The following MEF2B variants were observed in gnomAD, a reference collection of about 807,000 sequenced individuals.
The protein encoded by MEF2B is myocyte enhancer factor 2B.
In MEF2B, 15 loss-of-function variants were observed where a neutral mutation model predicts 32.2. That is an observed-to-expected ratio of 0.47 (90% CI 0.31 to 0.72). MEF2B has a LOEUF of 0.72. Ranked by LOEUF, MEF2B falls within the 30% of genes least tolerant of loss-of-function variation. MEF2B has a pLI of 0.05. For missense variants in MEF2B, 441 were observed against 511.5 expected (o/e 0.86, Z 1.33); for synonymous variants, 205 against 225.6 (o/e 0.91, Z 0.82).
At chr19:19,152,303 G>A (rs1336523701) in intron 1 of MEF2B, among the ~76,000 whole-genome samples, 1 of 148,434 alleles carries the variant, frequency 6.7e-6, no homozygotes, top group Non-Finnish European at 1.5e-5. Flanking sequence ...GCGCACACCT[G>A]TAGTCCCAGC....
intron 1 of MEF2B, among the ~76,000 whole-genome samples, chr19:19,167,026 A>G (rs1426868167): frequency 6.6e-6 from 1 of 152,114 alleles, no homozygotes; most frequent in African/African-American, 2.4e-5. Context: ...CAACATGACA[A>G]GACCCCATAT....
intron 1 of MEF2B, among the ~76,000 whole-genome samples, chr19:19,163,954 C>A (rs778621986): frequency 1.9e-4 from 29 of 152,084 alleles, no homozygotes; most frequent in Non-Finnish European, 8.8e-5. Flanking sequence ...TAGAGGTGAG[C>A]CACCACACCC....
Position 19,147,820 on chromosome 19 carries a change from T to G in MEF2B, c.271A>C (p.Arg91=), listed in dbSNP as rs997118478. ...NTDILETLKR[R]GIGLDGPELE... ...TCTGGCCCATCGAGGCCAATGCCCC[T>G]CCGCTTCAGCGTCTATGGGGACAGG... The change falls in exon 4 of 9, where the codon AGG becomes CGG. Residue 91 remains arginine, a synonymous_variant. Transcript: ENST00000424583. 3.1e-6 allele frequency: 5 copies of G among 1,613,236 alleles called. No homozygotes were observed. The highest frequency in any genetic ancestry group is 4.2e-6 in the Non-Finnish European group (5 of 1,179,894).
rs757194042 is a variant in MEF2B, at chr19:19,149,406, G to C, written c.78C>G (p.Phe26Leu). The C allele has an allele frequency of 6.2e-7, 1 of 1,613,872 alleles. No homozygotes were observed. Among genetic ancestry groups the C allele is most frequent in the Non-Finnish European group, 8.5e-7 (1 of 1,180,024 alleles). ...GCTCATAGGCCTTCTTCATCAGCCC[G>C]AACTTCCGCTTGGTGAACGTCACCT... Reference protein sequence around the residue: ...NRQVTFTKRKFGLMKKAYELS... With the variant: ...NRQVTFTKRKLGLMKKAYELS... The change falls in exon 3 of 9, where the codon TTC becomes TTG. Residue 26 changes from phenylalanine (F) to leucine (L), a missense_variant. Around this residue, in one of 2 missense-constraint regions of MEF2B, gnomAD observed 115 missense variants for 183.1 expected, o/e 0.63. Transcript: ENST00000424583.
intron 1 of MEF2B, among the ~76,000 whole-genome samples, chr19:19,167,719 C>T (rs926614756): frequency 2.6e-5 from 4 of 152,114 alleles, no homozygotes; most frequent in Non-Finnish European, 5.9e-5. Flanking sequence ...GATGGGAAAG[C>T]CAAGAGTGGG....
chr19:19,164,743 G>A (rs1280230929), intron 1 of MEF2B, among the ~76,000 whole-genome samples: 1 of 152,156 alleles, frequency 6.6e-6, no homozygotes, highest in East Asian at 1.9e-4. Flanking sequence ...GAACCCAGGA[G>A]TCAGAGGTCA....
intron 3 of MEF2B, 34 bp downstream of exon 3, chr19:19,149,192 G>A: frequency 6.2e-7 from 1 of 1,610,800 alleles, no homozygotes; most frequent in South Asian, 1.1e-5. Flanking sequence ...CGTGCACGGG[G>A]CCTTGTGGGG....
intron 3 of MEF2B, among the ~76,000 whole-genome samples, chr19:19,148,054 A>G (rs768289776): frequency 6.6e-6 from 1 of 152,286 alleles, no homozygotes; most frequent in Non-Finnish European, 1.5e-5. Flanking sequence ...GCCCAGATCA[A>G]CACAGCAGGA....
intron 1 of MEF2B, among the ~76,000 whole-genome samples, chr19:19,153,055 G>T (rs1406919719): frequency 6.6e-6 from 1 of 152,224 alleles, no homozygotes; most frequent in Admixed American, 6.5e-5. Context: ...TCCCTGGGGG[G>T]TGGACGGGGG....
At chr19:19,167,802 G>T (rs903760806) in intron 1 of MEF2B, among the ~76,000 whole-genome samples, 1 of 152,202 alleles carries the variant, frequency 6.6e-6, no homozygotes, top group South Asian at 2.1e-4. Context: ...GGGTCACACA[G>T]AGAGGAGGGA....
In MEF2B at chr19:19,147,114, T is replaced by G. The variant is rs1568545395; in HGVS notation, c.463A>C (p.Ser155Arg). The change falls in exon 5 of 9, where the codon AGT becomes CGT. Residue 155 changes from serine to arginine, a missense_variant. This residue lies in a region of MEF2B where 326 missense variants were observed against 328.4 expected (regional missense o/e 0.99). Coordinates refer to ENST00000424583, the MANE Select transcript of MEF2B (RefSeq NM_001145785.2). ...GCGGGCAGTGCTTCCCCAAGCCCAC[T>G]GGGGTCACAGCCTGGTGGCGGTAAG... ...GALPPPGCDP[S>R]GLGEALPAQS... 1 of 1,607,630 alleles carries G rather than the reference T, an allele frequency of 6.2e-7. No individual in the cohort carries two copies. The highest frequency in any genetic ancestry group is 8.5e-7 in the Non-Finnish European group (1 of 1,177,986).
chr19:19,163,551 C>A (rs367604408), intron 1 of MEF2B, among the ~76,000 whole-genome samples: 2 of 152,184 alleles, frequency 1.3e-5, no homozygotes, highest in Admixed American at 6.5e-5. Flanking sequence ...GGCTTCCCAG[C>A]GCCTAGTACA....
At chr19:19,147,211 G>A in intron 4 of MEF2B, 28 bp from the exon 5 acceptor site, 1 of 1,364,652 alleles carries the variant, frequency 7.3e-7, no homozygotes. Flanking sequence ...ATGGGTCAGA[G>A]GACCCCAGGC....
intron 1 of MEF2B, among the ~76,000 whole-genome samples, chr19:19,152,310 C>G (rs1397027558): frequency 6.8e-6 from 1 of 147,696 alleles, no homozygotes; most frequent in Non-Finnish European, 1.5e-5. Flanking sequence ...CCTGTAGTCC[C>G]AGCCACTTGG....
In MEF2B at chr19:19,147,817, C is replaced by A. The variant is rs1241841668; in HGVS notation, c.274G>T (p.Gly92Cys). 3.7e-6 allele frequency: 6 copies of A among 1,613,438 alleles called. No individual in the cohort carries two copies. Among genetic ancestry groups the A allele is most frequent in the Non-Finnish European group, 5.1e-6 (6 of 1,179,910 alleles). Residue 92 changes from glycine to cysteine, a missense_variant, in exon 4 of 9, where the codon GGC (glycine) becomes TGC (cysteine). This residue lies in a region of MEF2B where 115 missense variants were observed against 183.1 expected (regional missense o/e 0.63). Transcript: ENST00000424583. ...TDILETLKRR[G>C]IGLDGPELEP... Reference sequence around the variant, plus strand: ...AGCTCTGGCCCATCGAGGCCAATGCCCCTCCGCTTCAGCGTCTATGGGGAC... The same window carrying A: ...AGCTCTGGCCCATCGAGGCCAATGCACCTCCGCTTCAGCGTCTATGGGGAC...
intron 1 of MEF2B, among the ~76,000 whole-genome samples, chr19:19,154,607 C>G (rs1218547356): frequency 6.6e-6 from 1 of 152,032 alleles, no homozygotes; most frequent in Non-Finnish European, 1.5e-5. Context: ...CCACACCTGG[C>G]TAATTTTTGT....
At chr19:19,150,272 G>A (rs1469421385) in intron 2 of MEF2B, among the ~76,000 whole-genome samples, 1 of 151,586 alleles carries the variant, frequency 6.6e-6, no homozygotes, top group African/African-American at 2.4e-5. Flanking sequence ...GCTCACGCCT[G>A]TAATCCCAGC....
chr19:19,156,776 C>G (rs1480419376), intron 1 of MEF2B, among the ~76,000 whole-genome samples: 1 of 152,102 alleles, frequency 6.6e-6, no homozygotes, highest in African/African-American at 2.4e-5. Context: ...CTCAGCATCC[C>G]GAGTAGCTGG....
Position 19,147,803 on chromosome 19 carries a change from A to G in MEF2B, c.288T>C (p.Asp96=), listed in dbSNP as rs753342874. Residue 96 remains aspartate (D), a synonymous_variant, in exon 4 of 9, where the codon GAT becomes GAC. Coordinates refer to ENST00000424583, the MANE Select transcript of MEF2B (RefSeq NM_001145785.2). ...ETLKRRGIGL[D]GPELEPDEGP... Reference sequence around the variant, plus strand: ...CTTCATCCGGCTCCAGCTCTGGCCCATCGAGGCCAATGCCCCTCCGCTTCA... The same window carrying G: ...CTTCATCCGGCTCCAGCTCTGGCCCGTCGAGGCCAATGCCCCTCCGCTTCA... The G allele has an allele frequency of 5.0e-6, 8 of 1,613,498 alleles. No homozygotes were observed. The highest frequency in any genetic ancestry group is 1.6e-4 in the Middle Eastern group (1 of 6,078).
Sources: allele counts gnomAD v4.1 joint callset (sites outside exome capture counted in the v4.1 genomes callset), GRCh38; gene constraint gnomAD v4.1.1; regional missense constraint gnomAD v4.1.1; transcripts MANE v1.5; gene names NCBI Gene and HGNC (gene_info 2026-07-23, HGNC 2026-07-21).